DPH6: variants seen among roughly 807,000 people sequenced by gnomAD.
The protein encoded by DPH6 is diphthamine biosynthesis 6.
A neutral mutation model predicts 38.2 loss-of-function variants in DPH6; 33 were observed. That is an observed-to-expected ratio of 0.86 (90% CI 0.65 to 1.15). DPH6 has a LOEUF of 1.15. DPH6 is among the 50% of genes most tolerant of loss of function. DPH6 has a pLI of 0.00. For synonymous variants in DPH6, 108 were observed against 103.0 expected, an observed-to-expected ratio of 1.05 and a Z score of -0.30; for missense variants, 325 against 320.0, an observed-to-expected ratio of 1.02 and a Z score of -0.12.
At chr15:35,322,352 G>A (rs2052247965) in intron 3 of DPH6, among the ~76,000 whole-genome samples, 1 of 152,180 alleles carries the variant, frequency 6.6e-6, no homozygotes, top group African/African-American at 2.4e-5. Flanking sequence ...AGGGACTATT[G>A]TTATAATTGC....
At chr15:35,180,574 C>T in the DPH6 span, among the ~76,000 whole-genome samples, 5 of 152,164 alleles carry the variant, frequency 3.3e-5, no homozygotes, top group South Asian at 6.2e-4. Context: ...GATCCTCCCA[C>T]GTCAGCCTCC....
the DPH6 span, among the ~76,000 whole-genome samples, chr15:35,171,822 C>T: frequency 1.3e-5 from 2 of 151,780 alleles, no homozygotes; most frequent in Non-Finnish European, 2.9e-5. Flanking sequence ...ACACATTACA[C>T]ACATAGCCTG....
At chr15:35,226,228 G>C (rs1215073751) in intron 3 of DPH6, among the ~76,000 whole-genome samples, 1 of 152,130 alleles carries the variant, frequency 6.6e-6, no homozygotes, top group Non-Finnish European at 1.5e-5. Flanking sequence ...CTGCAATCTG[G>C]AACAGGCATA....
intron 3 of DPH6, among the ~76,000 whole-genome samples, chr15:35,496,567 A>AAAAAT: frequency 1.3e-4 from 4 of 31,016 alleles, no homozygotes; most frequent in African/African-American, 2.7e-4. Flanking sequence ...AAAAAAAAAA[A>AAAAAT]ATATATATAT....
At chr15:35,223,523 A>G (rs926266632) in intron 3 of DPH6, among the ~76,000 whole-genome samples, 1 of 152,150 alleles carries the variant, frequency 6.6e-6, no homozygotes, top group Non-Finnish European at 1.5e-5. Flanking sequence ...CGTCTCTACT[A>G]AAAATACAAA....
At chr15:35,361,222 C>A (rs1468859122) in intron 3 of DPH6, among the ~76,000 whole-genome samples, 1 of 152,196 alleles carries the variant, frequency 6.6e-6, no homozygotes, top group East Asian at 1.9e-4. Flanking sequence ...AAGTCTTGGG[C>A]ATCAGTGAGG....
chr15:35,534,582 AAGT>A (rs1441779892), intron 3 of DPH6, among the ~76,000 whole-genome samples: 1 of 152,118 alleles, frequency 6.6e-6, no homozygotes, highest in Non-Finnish European at 1.5e-5. Context: ...TTTAACAAGA[AAGT>A]AGGGAAATTT....
chr15:35,264,530 C>CA (rs5811852), intron 3 of DPH6, among the ~76,000 whole-genome samples: 83,652 of 152,030 alleles, frequency 0.55, 25,299 homozygotes, highest in East Asian at 0.69. Flanking sequence ...CTTTGAAAAA[C>CA]AAAAGGCTTA....
intron 3 of DPH6, among the ~76,000 whole-genome samples, chr15:35,318,276 A>C (rs1233905769): frequency 6.6e-6 from 1 of 152,122 alleles, no homozygotes; most frequent in Non-Finnish European, 1.5e-5. Flanking sequence ...CATGTAGCAA[A>C]AGAAAATCCA....
At chr15:35,538,558 C>T (rs1358559754) in intron 2 of DPH6, 91 bp from the exon 3 acceptor site, 15 of 1,132,776 alleles carry the variant, frequency 1.3e-5, no homozygotes, top group African/African-American at 7.8e-5. Flanking sequence ...CTTGAATAGT[C>T]GACACAGAAC....
rs1197566844 is a variant in DPH6 at position 35,239,083 on chromosome 15, CG to C, written n.201-18502del. Among the ~76,000 whole-genome samples, 30 of 143,630 alleles carry C rather than the reference CG, an allele frequency of 2.1e-4. 1 individual carries two copies. The highest frequency in any genetic ancestry group is 7.6e-4 in the African/African-American group (30 of 39,682). 94.2% of individuals were successfully genotyped at this position (143,630 alleles called of 152,430 possible). On this transcript the variant is annotated intron_variant and non_coding_transcript_variant, in intron 3 of 3. Transcript: ENST00000560386. ...TGAAATTTGGTGCTGTGACATGGAT[CG>C]GGGGACCTCCCTTGGGAGATCAATC...
intron 3 of DPH6, among the ~76,000 whole-genome samples, chr15:35,352,516 T>A (rs1166473230): frequency 6.6e-6 from 1 of 152,030 alleles, no homozygotes; most frequent in African/African-American, 2.4e-5. Flanking sequence ...CACCTATGAG[T>A]GAGAACATGT....
At chr15:35,180,410 C>T in the DPH6 span, among the ~76,000 whole-genome samples, 1 of 94,496 alleles carries the variant, frequency 1.1e-5, no homozygotes, top group Non-Finnish European at 2.5e-5. Context: ...CACACACACA[C>T]ACACACACAC....
At chr15:35,320,640 T>C (rs183996450) in intron 3 of DPH6, among the ~76,000 whole-genome samples, 2 of 152,336 alleles carry the variant, frequency 1.3e-5, no homozygotes, top group Admixed American at 1.3e-4. Context: ...TTGGCTTATT[T>C]TCATGGTTCC....
intron 8 of DPH6, among the ~76,000 whole-genome samples, chr15:35,372,619 C>T (rs927820548): frequency 6.6e-6 from 1 of 151,852 alleles, no homozygotes; most frequent in Non-Finnish European, 1.5e-5. Flanking sequence ...CAGCCCAATT[C>T]CACAACCTAT....
chr15:35,494,953 G>T (rs905507398), intron 3 of DPH6, among the ~76,000 whole-genome samples: 2 of 152,108 alleles, frequency 1.3e-5, no homozygotes, highest in African/African-American at 4.8e-5. Context: ...CTGGTGATGT[G>T]ATCATGTGTG....
chr15:35,483,726 T>C (rs1436538083), intron 3 of DPH6, among the ~76,000 whole-genome samples: 7 of 152,208 alleles, frequency 4.6e-5, no homozygotes, highest in Non-Finnish European at 1.0e-4. Flanking sequence ...CATGTCCACA[T>C]AACTTATATG....
intron 3 of DPH6, among the ~76,000 whole-genome samples, chr15:35,527,928 T>C (rs1475158942): frequency 3.3e-5 from 5 of 152,118 alleles, no homozygotes; most frequent in Admixed American, 6.5e-5. Context: ...GGATAAATTA[T>C]AGGGGATGAG....
Position 35,496,567 on chromosome 15 carries a change from A to AAAAAATATATATATATATATATAT in DPH6, c.312+41706_312+41707insATATATATATATATATATATTTTT. Among the ~76,000 whole-genome samples, 39 of 30,998 alleles carry AAAAAATATATATATATATATATAT rather than the reference A, an allele frequency of 1.3e-3. 1 individual carries two copies. Among genetic ancestry groups the AAAAAATATATATATATATATATAT allele is most frequent in the Non-Finnish European group, 1.7e-3 (32 of 19,022 alleles). The allele number at this position is 30,998 out of a possible 152,430, so 20.3% of individuals were successfully genotyped here. A position where few individuals can be genotyped will look rare whatever the true frequency, so the allele number is the denominator to read the frequency against. On this transcript the variant is annotated intron_variant, in intron 3 of 8. Transcript: ENST00000256538. ...GAAAGTTCCATCTCAAAAAAAAAAA[A>AAAAAATATATATATATATATATAT]ATATATATATATATATATATATATC...
Sources: gnomAD v4.1 joint callset for allele counts (sites outside exome capture counted in the v4.1 genomes callset) on GRCh38, gnomAD v4.1.1 for gene constraint, MANE v1.5 for transcripts, NCBI Gene and HGNC (gene_info 2026-07-23, HGNC 2026-07-21) for gene names.